The following NCOR2 variants were observed in gnomAD, a reference collection of about 807,000 sequenced individuals.
NCOR2 encodes CTG repeat protein 26.
NCOR2 carries 81 observed loss-of-function variants against 262.9 expected under a neutral mutation model. The ratio of observed to expected loss-of-function variants is 0.31; its 90% CI spans 0.26 to 0.37. The LOEUF (loss-of-function observed/expected upper bound fraction) is 0.37. NCOR2 is among the 10% of genes least tolerant of loss of function. The pLI, the probability that NCOR2 is intolerant of heterozygous loss-of-function variation, is 1.00. For synonymous variants in NCOR2, 1,659 were observed against 1,559.3 expected (o/e 1.06, Z -1.51); for missense variants, 3,385 against 3,621.4 (o/e 0.93, Z 1.68).
chr12:124,422,486 C>A lies in NCOR2; in HGVS notation c.1383+15G>T. 2 of 1,613,874 alleles carry A rather than the reference C, an allele frequency of 1.2e-6. 1 individual carries two copies. The highest frequency in any genetic ancestry group is 2.2e-5 in the South Asian group (2 of 91,078). ...AGGTGGAGACCGAAGGGGTATGGGG[C>A]GGGCAGCGACTCACCTTCCTCTCCA... On this transcript the variant is annotated intron_variant, in intron 12 of 46. Transcript: ENST00000405201.
intron 14 of NCOR2, among the ~76,000 whole-genome samples, chr12:124,400,913 AGGGAGTTGC>A (rs2041955929): frequency 2.0e-5 from 3 of 152,280 alleles, no homozygotes; most frequent in Admixed American, 2.0e-4. Flanking sequence ...ATTTCTCAAA[AGGGAGTTGC>A]GGCCAGGTGT....
At chr12:124,385,151 G>A (rs2040704739) in intron 17 of NCOR2, among the ~76,000 whole-genome samples, 1 of 152,154 alleles carries the variant, frequency 6.6e-6, no homozygotes, top group Non-Finnish European at 1.5e-5. Flanking sequence ...CTCCTCAGAG[G>A]CCATTTACAC....
chr12:124,411,916 T>C (rs1361108012), intron 13 of NCOR2, among the ~76,000 whole-genome samples: 1 of 151,520 alleles, frequency 6.6e-6, no homozygotes, highest in Non-Finnish European at 1.5e-5. Context: ...TGGGGTCTCA[T>C]GGGGGTGGGT....
chr12:124,412,149 G>A (rs890599750), intron 13 of NCOR2, among the ~76,000 whole-genome samples: 4 of 152,248 alleles, frequency 2.6e-5, no homozygotes, highest in African/African-American at 7.2e-5. Flanking sequence ...CACACAGCGC[G>A]GGTCTGAGTC....
chr12:124,378,381 T>C lies in NCOR2; in HGVS notation c.2023A>G (p.Lys675Glu), dbSNP rs2040173498. The C allele has an allele frequency of 7.4e-6, 12 of 1,610,862 alleles. No homozygotes were observed. The highest frequency in any genetic ancestry group is 1.0e-5 in the Non-Finnish European group (12 of 1,179,058). Residue 675 changes from lysine to glutamate, a missense_variant, in exon 18 of 47, where the codon AAG becomes GAG. This residue lies in a region of NCOR2 where 515 missense variants were observed against 781.2 expected (regional missense o/e 0.66). Transcript: ENST00000405201. This position sits in a 1 kb window ranked among gnomAD's most constrained non-coding sequence, Gnocchi z 4.2. The stretch of plus-strand genomic sequence containing the variant: ...TTCTTCCTCCGCGCGTTCCTCTCCT[T>C]CTCCTGGGGCACAGGGAAGCAGCAG...
chr12:124,545,151 C>A (rs572372726), intron 1 of NCOR2, among the ~76,000 whole-genome samples: 1 of 152,242 alleles, frequency 6.6e-6, no homozygotes, highest in African/African-American at 2.4e-5. Flanking sequence ...TGCAACCCTA[C>A]TGAGACACCA....
rs189228024 is a variant in NCOR2, at chr12:124,472,477, G to C, written c.591+475C>G. Among the ~76,000 whole-genome samples, 10 of 152,256 alleles carry C rather than the reference G, an allele frequency of 6.6e-5. No individual in the cohort carries two copies. The East Asian group carries it at 1.9e-3, about 29-fold the overall frequency. On this transcript the variant is annotated intron_variant, in intron 4 of 46. Transcript: ENST00000405201. ...AGGAGGCCAGTCCATTCAGATTCCA[G>C]AGCCAGGGGCTGTTTCCCCACATTA...
chr12:124,538,889 G>A (rs1194526684), upstream of NCOR2: 2 of 152,268 alleles, frequency 1.3e-5, no homozygotes, highest in African/African-American at 4.8e-5. Flanking sequence ...CCTTTCAGGG[G>A]CACAGCCATC....
intron 23 of NCOR2, among the ~76,000 whole-genome samples, chr12:124,356,203 A>T (rs1013202028): frequency 6.6e-6 from 1 of 152,204 alleles, no homozygotes; most frequent in Non-Finnish European, 1.5e-5. Context: ...TACCAACAGC[A>T]GTCTGTACCA....
At chr12:124,335,610 G>T in exon 39 of NCOR2, 2 of 1,604,230 alleles carry the variant, frequency 1.2e-6, no homozygotes, top group South Asian at 1.1e-5. Flanking sequence ...CCCCTTCGGG[G>T]CTGTAGCTGC....
chr12:124,346,955 C>T, intron 30 of NCOR2, 105 bp from the exon 33 acceptor site: 1 of 1,318,602 alleles, frequency 7.6e-7, no homozygotes, highest in East Asian at 2.9e-5. Flanking sequence ...TTCAAATCCC[C>T]ACTTGCTGTG....
chr12:124,376,711 C>T (rs1273682458), intron 18 of NCOR2, among the ~76,000 whole-genome samples: 1 of 152,224 alleles, frequency 6.6e-6, no homozygotes, highest in African/African-American at 2.4e-5. Flanking sequence ...GCTGGAGGAG[C>T]CTGGATTTAT....
intron 11 of NCOR2, among the ~76,000 whole-genome samples, chr12:124,422,764 G>C (rs1000164847): frequency 1.3e-5 from 2 of 152,250 alleles, no homozygotes; most frequent in Admixed American, 6.5e-5. Flanking sequence ...GGCGTTCCTT[G>C]GAGTGAGTCA....
rs1346651859 is a variant in NCOR2, at chr12:124,400,709, C to T, written c.1641-36G>A. ...GAGAGGGGAGATAGGATGGCTTCACCCGAGCCGGGAAATCAAACAGCCACT... is the reference window on the plus strand; with the variant it reads ...GAGAGGGGAGATAGGATGGCTTCACTCGAGCCGGGAAATCAAACAGCCACT... On this transcript the variant is annotated intron_variant, in intron 14 of 46. Transcript: ENST00000405201. 5.6e-6 allele frequency: 9 copies of T among 1,602,576 alleles called. 1 individual carries two copies. The South Asian group carries it at 8.8e-5, about 16-fold the overall frequency.
At chr12:124,550,657 T>C (rs949270702) in intron 1 of NCOR2, among the ~76,000 whole-genome samples, 8 of 152,216 alleles carry the variant, frequency 5.3e-5, no homozygotes, top group African/African-American at 1.9e-4. Flanking sequence ...GAGAACACAT[T>C]TGTTCTGCTT....
rs367639699 is a variant in NCOR2 at position 124,340,756 on chromosome 12, G to T, written c.5189-5C>A. The T allele has an allele frequency of 7.2e-6, 11 of 1,532,002 alleles. No individual in the cohort carries two copies. Among genetic ancestry groups the T allele is most frequent in the Non-Finnish European group, 8.7e-6 (10 of 1,153,230 alleles). The allele number at this position is 1,532,002 out of a possible 1,614,324, so 94.9% of individuals were successfully genotyped here. On this transcript the variant is annotated splice_polypyrimidine_tract_variant and splice_region_variant and intron_variant, in intron 34 of 46. Coordinates refer to ENST00000405201, the Ensembl canonical transcript of NCOR2. ...CTTGGGACAGGTCGATGATGCCTGC[G>T]GGAGGTGTTGGGCCAGGGCTGTAGC...
chr12:124,388,483 C>T (rs1158788627), intron 16 of NCOR2, among the ~76,000 whole-genome samples: 4 of 152,204 alleles, frequency 2.6e-5, no homozygotes, highest in African/African-American at 9.7e-5. Context: ...CAGGTCCCAC[C>T]CCTGCTTCCA....
At chr12:124,490,916 G>A (rs570350866) in intron 1 of NCOR2, among the ~76,000 whole-genome samples, 253 of 152,386 alleles carry the variant, frequency 1.7e-3, no homozygotes, top group African/African-American at 5.8e-3. Context: ...CCCTGCGTCT[G>A]TGCAGTGGGA....
In NCOR2 at chr12:124,389,365, C is replaced by A. The variant is rs944840355; in HGVS notation, c.1877-3478G>T. On this transcript the variant is annotated intron_variant, in intron 16 of 46. Transcript: ENST00000405201. This position sits in a 1 kb window ranked among gnomAD's most constrained non-coding sequence, Gnocchi z 4.4. ...CGGAGGCTCGCGGCGGGCGGGCAGG[C>A]GGGCGGGGGAGCGTGGCAGAGGCCC... Among the ~76,000 whole-genome samples, 1 of 152,072 alleles carries A rather than the reference C, an allele frequency of 6.6e-6. No homozygotes were observed. The highest frequency in any genetic ancestry group is 1.5e-5 in the Non-Finnish European group (1 of 67,982).
Sources: gnomAD v4.1 joint callset for allele counts (sites outside exome capture counted in the v4.1 genomes callset) on GRCh38, gnomAD v4.1.1 for gene constraint, gnomAD v4.1.1 regional missense constraint, Gnocchi (gnomAD v3.1) non-coding constraint, MANE v1.5 for transcripts, NCBI Gene and HGNC (gene_info 2026-07-23, HGNC 2026-07-21) for gene names.